The following FBN2 variants were observed in gnomAD, a reference collection of about 807,000 sequenced individuals.
The protein encoded by FBN2 is fibrillin 2, also known as fibrillin-2.
A neutral mutation model predicts 355.6 loss-of-function variants in FBN2; 105 were observed. That is an observed-to-expected ratio of 0.30 (90% CI 0.25 to 0.35). FBN2 has a LOEUF of 0.35. FBN2 is among the 10% of genes least tolerant of loss of function. The pLI, the probability that FBN2 is intolerant of heterozygous loss-of-function variation, is 1.00. For synonymous variants in FBN2, 1,350 were observed against 1,301.2 expected (o/e 1.04, Z -0.81); for missense variants, 3,280 against 3,758.7 (o/e 0.87, Z 3.33).
intron 7 of FBN2, among the ~76,000 whole-genome samples, chr5:128,423,092 G>C (rs1420208104): frequency 6.6e-6 from 1 of 152,010 alleles, no homozygotes; most frequent in African/African-American, 2.4e-5. Context: ...AGCAGAAATA[G>C]TGAAAGGTAG....
At chr5:128,485,266 T>TC (rs1217954004) in intron 5 of FBN2, among the ~76,000 whole-genome samples, 2 of 152,088 alleles carry the variant, frequency 1.3e-5, no homozygotes, top group Non-Finnish European at 2.9e-5. Flanking sequence ...CAAGCAATCC[T>TC]CCTATTTTGG....
Position 128,397,166 on chromosome 5 carries a change from G to C in FBN2, c.1079-1892C>G, listed in dbSNP as rs911528945. ...GCAGAAATTTCAAAAACTTGAGTTG[G>C]ATTTGGACAGGCTGTCATTAGGAAT... On this transcript the variant is annotated intron_variant, in intron 8 of 64. Transcript: ENST00000262464. Among the ~76,000 whole-genome samples the C allele has an allele frequency of 4.6e-5, 7 of 152,156 alleles. No homozygotes were observed. The South Asian group carries it at 6.2e-4, about 13-fold the overall frequency.
intron 53 of FBN2, 139 bp downstream of exon 53, chr5:128,288,299 A>G (rs930800959): frequency 4.3e-6 from 4 of 925,570 alleles, no homozygotes; most frequent in Non-Finnish European, 6.5e-6. Context: ...CCAACCAACC[A>G]AACAAAAAAC....
rs1168426536 is a variant in FBN2 at position 128,434,424 on chromosome 5, A to ATATATATG, written c.952+12056_952+12057insCATATATA. On this transcript the variant is annotated intron_variant, in intron 7 of 64. Transcript: ENST00000262464. ...TATATATATATATATATATATATAT[A>ATATATATG]TGGGCAGTAAGTGACAGCACTGGCG... Among the ~76,000 whole-genome samples the ATATATATG allele has an allele frequency of 6.3e-4, 82 of 130,478 alleles. 2 individuals are homozygous for ATATATATG. Among genetic ancestry groups the ATATATATG allele is most frequent in the Non-Finnish European group, 1.1e-3 (66 of 62,616 alleles). The allele number at this position is 130,478 out of a possible 152,430, so 85.6% of individuals were successfully genotyped here.
intron 34 of FBN2, among the ~76,000 whole-genome samples, chr5:128,326,272 G>A (rs1033530447): frequency 4.6e-5 from 7 of 152,138 alleles, no homozygotes; most frequent in South Asian, 2.1e-4. Context: ...GTATTCAGTC[G>A]CCCAAAGTTT....
At chr5:128,384,658 T>A (rs1561429967) in intron 11 of FBN2, among the ~76,000 whole-genome samples, 1 of 152,076 alleles carries the variant, frequency 6.6e-6, no homozygotes, top group Non-Finnish European at 1.5e-5. Context: ...CTTTTAGAAA[T>A]AAGTGCTTAG....
intron 56 of FBN2, 149 bp downstream of exon 56, chr5:128,280,043 A>G (rs1765493283): frequency 6.1e-6 from 4 of 655,080 alleles, no homozygotes; most frequent in Non-Finnish European, 1.1e-5. Flanking sequence ...TCATTTTAAT[A>G]GATGTGCATC....
chr5:128,279,741 A>C (rs1375213192), intron 56 of FBN2, among the ~76,000 whole-genome samples: 1 of 152,162 alleles, frequency 6.6e-6, no homozygotes, highest in East Asian at 1.9e-4. Context: ...ATAATGTCTG[A>C]GATGTATATT....
intron 62 of FBN2, among the ~76,000 whole-genome samples, chr5:128,268,980 C>G (rs1358666877): frequency 6.6e-6 from 1 of 152,158 alleles, no homozygotes; most frequent in East Asian, 1.9e-4. Flanking sequence ...AGAATGCCTT[C>G]TCTTATCACT....
intron 8 of FBN2, among the ~76,000 whole-genome samples, chr5:128,407,692 A>G (rs909501521): frequency 6.6e-6 from 1 of 152,160 alleles, no homozygotes; most frequent in African/African-American, 2.4e-5. Flanking sequence ...CAGTACATTT[A>G]ATCAAATGAA....
rs567742020 is a variant in FBN2 at position 128,385,866 on chromosome 5, T to C, written c.1603+6152A>G. ...TAGAGAAGTGTCTGCTCATGTCCTT[T>C]ACCCATTATTTAATGAGATTTTTTT... On this transcript the variant is annotated intron_variant, in intron 11 of 64. Coordinates refer to ENST00000262464, the MANE Select transcript of FBN2 (RefSeq NM_001999.4). Among the ~76,000 whole-genome samples, 12 of 152,252 alleles carry C rather than the reference T, an allele frequency of 7.9e-5. 1 individual carries two copies. In the South Asian group the frequency reaches 2.5e-3, roughly 32 times the overall value.
At chr5:128,458,638 A>G (rs1055370305) in intron 6 of FBN2, among the ~76,000 whole-genome samples, 1 of 152,158 alleles carries the variant, frequency 6.6e-6, no homozygotes, top group African/African-American at 2.4e-5. Flanking sequence ...CTCAGGATTA[A>G]GAAACTCAGT....
At chr5:128,443,805 C>T (rs1024893256) in intron 7 of FBN2, among the ~76,000 whole-genome samples, 2 of 152,090 alleles carry the variant, frequency 1.3e-5, no homozygotes, top group Non-Finnish European at 2.9e-5. Flanking sequence ...TTTATATTTG[C>T]ACTGTAATTC....
At chr5:128,449,409 T>TATAGTATACTATATA (rs1386856790) in intron 6 of FBN2, among the ~76,000 whole-genome samples, 1 of 91,580 alleles carries the variant, frequency 1.1e-5, no homozygotes, top group Non-Finnish European at 2.1e-5. Context: ...TGTATAATTA[T>TATAGTATACTATATA]ATAGTATACT....
chr5:128,530,840 A>T (rs1159283667), intron 2 of FBN2, 147 bp from the exon 3 acceptor site: 15 of 643,932 alleles, frequency 2.3e-5, no homozygotes, highest in Non-Finnish European at 4.1e-5. Context: ...TATGCAATAA[A>T]ATTACCCATT....
intron 5 of FBN2, among the ~76,000 whole-genome samples, chr5:128,482,123 T>C (rs531894946): frequency 6.6e-6 from 1 of 152,274 alleles, no homozygotes; most frequent in South Asian, 2.1e-4. Context: ...AAAATGGATA[T>C]ATAGAGCTCA....
At position 128,263,591 on chromosome 5, in the gene FBN2, A is replaced by G; in HGVS notation, c.8026T>C (p.Tyr2676His). The G allele has an allele frequency of 1.2e-6, 2 of 1,614,102 alleles. No individual in the cohort carries two copies. Among genetic ancestry groups the G allele is most frequent in the Non-Finnish European group, 1.7e-6 (2 of 1,179,994 alleles). Residue 2676 changes from tyrosine to histidine, a missense_variant, in exon 63 of 65, where the codon TAC becomes CAC. This residue lies in a region of FBN2 where 311 missense variants were observed against 319.1 expected (regional missense o/e 0.97). Coordinates refer to ENST00000262464, the MANE Select transcript of FBN2 (RefSeq NM_001999.4). ...AACCCCGAGGGGCAGGCGCACTTGT[A>G]ACTCCCCAGGGTGTTGTAGCAGGAA... Reference protein sequence around the residue: ...SASCYNTLGSYKCACPSGFSF... With the variant: ...SASCYNTLGSHKCACPSGFSF...
chr5:128,520,641 T>C (rs1204533032), intron 4 of FBN2, among the ~76,000 whole-genome samples: 2 of 152,174 alleles, frequency 1.3e-5, no homozygotes, highest in Non-Finnish European at 2.9e-5. Flanking sequence ...CACAGAGTGA[T>C]TTCTGTTCTG....
At chr5:128,453,408 T>C (rs1319752623) in intron 6 of FBN2, among the ~76,000 whole-genome samples, 2 of 152,208 alleles carry the variant, frequency 1.3e-5, no homozygotes, top group Admixed American at 6.5e-5. Context: ...TCAGCCTCCA[T>C]CATATAGCAC....
Sources: allele counts gnomAD v4.1 joint callset (sites outside exome capture counted in the v4.1 genomes callset), GRCh38; gene constraint gnomAD v4.1.1; regional missense constraint gnomAD v4.1.1; transcripts MANE v1.5; gene names NCBI Gene and HGNC (gene_info 2026-07-23, HGNC 2026-07-21).